Variants in FHIT observed in about 807,000 individuals in gnomAD.
The protein encoded by FHIT is fragile histidine triad diadenosine triphosphatase, also known as bis(5'-adenosyl)-triphosphatase.
FHIT carries 19 observed loss-of-function variants against 17.9 expected under a neutral mutation model. That is an observed-to-expected ratio of 1.06 (90% CI 0.74 to 1.56). The LOEUF (loss-of-function observed/expected upper bound fraction) is 1.56, where lower values mean the gene tolerates loss of function less well. FHIT is among the 40% of genes most tolerant of loss of function. The pLI, the probability that FHIT is intolerant of heterozygous loss-of-function variation, is 0.00. For missense variants in FHIT, 248 were observed against 189.2 expected, an observed-to-expected ratio of 1.31 and a Z score of -1.82; for synonymous variants, 81 against 69.7, an observed-to-expected ratio of 1.16 and a Z score of -0.81.
chr3:60,818,892 A>G (rs1305577668), intron 4 of FHIT, among the ~76,000 whole-genome samples: 1 of 151,958 alleles, frequency 6.6e-6, no homozygotes, highest in Non-Finnish European at 1.5e-5. Context: ...GCCTGTTCTC[A>G]CTCTAAAAGT....
At position 60,370,227 on chromosome 3, in the gene FHIT, TTA is replaced by T. The variant is rs1292571401; in HGVS notation, c.103+166631_103+166632del. ...TTTGGCCAAGATTCATAAATACACT[TTA>T]TGTTTTATGAAGCCCAATTCAGTTA... On this transcript the variant is annotated intron_variant, in intron 5 of 9. Coordinates refer to ENST00000492590, the MANE Select transcript of FHIT (RefSeq NM_002012.4). 5.9e-5 allele frequency among the ~76,000 whole-genome samples: 9 copies of T among 151,656 alleles called. No individual in the cohort carries two copies. In the East Asian group the frequency reaches 1.2e-3, roughly 20 times the overall value.
At chr3:61,057,176 C>T (rs2034254958) in intron 2 of FHIT, among the ~76,000 whole-genome samples, 1 of 152,178 alleles carries the variant, frequency 6.6e-6, no homozygotes, top group South Asian at 2.1e-4. Context: ...CTTGTTAATG[C>T]AATATTCCTC....
At chr3:61,060,241 C>G (rs893672154) in intron 2 of FHIT, among the ~76,000 whole-genome samples, 5 of 152,090 alleles carry the variant, frequency 3.3e-5, no homozygotes, top group Non-Finnish European at 5.9e-5. Context: ...ATAGTTGTGA[C>G]CAGAAATATG....
At chr3:59,855,474 A>G (rs1255244854) in intron 8 of FHIT, among the ~76,000 whole-genome samples, 1 of 152,174 alleles carries the variant, frequency 6.6e-6, no homozygotes, top group South Asian at 2.1e-4. Context: ...ATTTAATCTT[A>G]TGCTATCCTC....
chr3:60,471,857 G>C (rs2033104151), intron 5 of FHIT, among the ~76,000 whole-genome samples: 2 of 151,968 alleles, frequency 1.3e-5, no homozygotes, highest in African/African-American at 4.8e-5. Flanking sequence ...TTCACGCTAA[G>C]CATGGCCATG....
chr3:60,734,725 T>C (rs2042101476), intron 4 of FHIT, among the ~76,000 whole-genome samples: 1 of 152,198 alleles, frequency 6.6e-6, no homozygotes, highest in Non-Finnish European at 1.5e-5. Flanking sequence ...TCTCTAAAGT[T>C]GACCAGTCAA....
intron 8 of FHIT, among the ~76,000 whole-genome samples, chr3:59,906,739 T>A (rs776672812): frequency 3.3e-5 from 5 of 152,240 alleles, no homozygotes; most frequent in Non-Finnish European, 7.3e-5. Context: ...TTCTTTTGAA[T>A]GATGCTATTG....
chr3:60,267,082 T>C (rs1205514249), intron 5 of FHIT, among the ~76,000 whole-genome samples: 2 of 151,814 alleles, frequency 1.3e-5, no homozygotes, highest in Admixed American at 6.6e-5. Flanking sequence ...GCGTGTGCAA[T>C]AGAAGTGAAG....
intron 9 of FHIT, chr3:59,750,683 T>G (rs904202520): frequency 1.1e-4 from 25 of 218,754 alleles, no homozygotes; most frequent in Non-Finnish European, 1.8e-5. Context: ...AACACCATAT[T>G]TGAACAACAA....
At chr3:59,982,685 G>A (rs1348299154) in intron 7 of FHIT, among the ~76,000 whole-genome samples, 1 of 152,106 alleles carries the variant, frequency 6.6e-6, no homozygotes, top group Non-Finnish European at 1.5e-5. Context: ...AGTGCTTGTG[G>A]CTAACTACAA....
intron 7 of FHIT, among the ~76,000 whole-genome samples, chr3:60,000,936 C>T (rs933617608): frequency 1.3e-5 from 2 of 152,144 alleles, no homozygotes; most frequent in Admixed American, 6.5e-5. Context: ...AAGCTCATTC[C>T]CACTGCCATT....
intron 4 of FHIT, among the ~76,000 whole-genome samples, chr3:60,708,832 T>C (rs1340612627): frequency 6.6e-6 from 1 of 152,116 alleles, no homozygotes; most frequent in Non-Finnish European, 1.5e-5. Context: ...GATATTGGAA[T>C]GAAGTTCAAG....
At chr3:60,394,137 G>A (rs1051651268) in intron 5 of FHIT, among the ~76,000 whole-genome samples, 1 of 152,110 alleles carries the variant, frequency 6.6e-6, no homozygotes, top group Non-Finnish European at 1.5e-5. Context: ...AACACTGAAT[G>A]TACTGGTTTG....
chr3:60,345,868 A>G (rs992730531), intron 5 of FHIT, among the ~76,000 whole-genome samples: 1 of 152,232 alleles, frequency 6.6e-6, no homozygotes, highest in African/African-American at 2.4e-5. Context: ...ATATTTGTAT[A>G]TACACACAGA....
intron 5 of FHIT, among the ~76,000 whole-genome samples, chr3:60,381,637 T>C (rs1438871604): frequency 2.0e-5 from 3 of 152,212 alleles, no homozygotes; most frequent in Non-Finnish European, 4.4e-5. Context: ...CAATCTCTCT[T>C]TCGATAGTAG....
At chr3:60,811,460 C>G (rs1553736008) in intron 4 of FHIT, among the ~76,000 whole-genome samples, 2 of 152,138 alleles carry the variant, frequency 1.3e-5, no homozygotes, top group Admixed American at 1.3e-4. Flanking sequence ...TCAGAAAACT[C>G]GAGTGAATTC....
chr3:60,471,104 C>T (rs574640344), intron 5 of FHIT, among the ~76,000 whole-genome samples: 30 of 152,256 alleles, frequency 2.0e-4, no homozygotes, highest in African/African-American at 7.2e-4. Flanking sequence ...AAAACAATAT[C>T]CTCTTTACTC....
intron 2 of FHIT, among the ~76,000 whole-genome samples, chr3:61,140,977 T>C (rs2037064817): frequency 6.6e-6 from 1 of 152,220 alleles, no homozygotes; most frequent in East Asian, 1.9e-4. Context: ...AGAAACAGAA[T>C]GCATGTGTTG....
chr3:60,426,321 TC>T (rs2107280090), intron 5 of FHIT, among the ~76,000 whole-genome samples: 1 of 152,254 alleles, frequency 6.6e-6, no homozygotes, highest in East Asian at 1.9e-4. Flanking sequence ...AAGAGAAAGA[TC>T]TCCATTGCTC....
Sources: gnomAD v4.1 joint callset for allele counts (sites outside exome capture counted in the v4.1 genomes callset) on GRCh38, gnomAD v4.1.1 for gene constraint, MANE v1.5 for transcripts, NCBI Gene and HGNC (gene_info 2026-07-23, HGNC 2026-07-21) for gene names.